Variants in NAV2 observed in about 807,000 individuals in gnomAD.
NAV2 encodes the protein helicase, APC down-regulated 1.
A neutral mutation model predicts 223.2 loss-of-function variants in NAV2; 54 were observed. The observed-to-expected ratio is 0.24, with a 90% CI of 0.19 to 0.30. The LOEUF (loss-of-function observed/expected upper bound fraction) is 0.30, where lower values mean the gene tolerates loss of function less well. NAV2 is among the 10% of genes least tolerant of loss of function. NAV2 has a pLI of 1.00. For synonymous variants in NAV2, 1,279 were observed against 1,239.3 expected (o/e 1.03, Z -0.67); for missense variants, 2,806 against 3,147.5 (o/e 0.89, Z 2.60).
intron 10 of NAV2, among the ~76,000 whole-genome samples, chr11:19,956,867 A>G (rs2047929649): frequency 6.6e-6 from 1 of 152,098 alleles, no homozygotes; most frequent in Non-Finnish European, 1.5e-5. Flanking sequence ...GCAGGAATGA[A>G]AGTTCCAATG....
intron 11 of NAV2, chr11:20,022,914 T>C (rs1816993669): frequency 7.3e-7 from 1 of 1,365,612 alleles, no homozygotes; most frequent in Admixed American, 2.9e-5. Flanking sequence ...TTAATTTTGT[T>C]GGGGGATCGG....
intron 1 of NAV2, among the ~76,000 whole-genome samples, chr11:19,705,172 GACAA>G (rs2049627142): frequency 6.6e-6 from 1 of 151,952 alleles, no homozygotes; most frequent in Non-Finnish European, 1.5e-5. Flanking sequence ...ATAACAAGCA[GACAA>G]ACAAACAAAA....
intron 1 of NAV2, among the ~76,000 whole-genome samples, chr11:19,443,492 C>T (rs1397411485): frequency 6.6e-6 from 1 of 152,238 alleles, no homozygotes; most frequent in Non-Finnish European, 1.5e-5. Flanking sequence ...GTCCCACATG[C>T]TGAGCAAGGA....
intron 1 of NAV2, among the ~76,000 whole-genome samples, chr11:19,516,381 C>A (rs1328445720): frequency 5.3e-5 from 8 of 152,222 alleles, no homozygotes; most frequent in Non-Finnish European, 1.0e-4. Context: ...CCCTTACTAA[C>A]AACACCGTGG....
At chr11:19,545,876 T>C (rs539693879) in intron 1 of NAV2, among the ~76,000 whole-genome samples, 1 of 152,334 alleles carries the variant, frequency 6.6e-6, no homozygotes, top group Non-Finnish European at 1.5e-5. Context: ...TGGACAACCC[T>C]GACCTAAGAA....
At position 20,045,083 on chromosome 11, in the gene NAV2, C is replaced by G; in HGVS notation, c.3315C>G (p.Pro1105=). The G allele has an allele frequency of 6.2e-7, 1 of 1,614,142 alleles. No individual in the cohort carries two copies. Among genetic ancestry groups the G allele is most frequent in the South Asian group, 1.1e-5 (1 of 91,078 alleles). ...GRSSGDESKK[P]LPSSSRTPTA... is the part of the protein sequence containing the mutation. ...GCAGTGGTGACGAATCCAAAAAGCCCCTCCCCAGCAGCTCTAGGACACCTA... is the reference window on the plus strand; with the variant it reads ...GCAGTGGTGACGAATCCAAAAAGCCGCTCCCCAGCAGCTCTAGGACACCTA... Residue 1105 remains proline, a synonymous_variant, in exon 14 of 38, where the codon CCC becomes CCG. Transcript: ENST00000349880.
intron 10 of NAV2, among the ~76,000 whole-genome samples, chr11:19,960,235 C>T (rs1047139166): frequency 4.6e-5 from 7 of 152,152 alleles, no homozygotes; most frequent in Non-Finnish European, 8.8e-5. Context: ...GGCCCATGAG[C>T]TCACACTTAG....
Position 19,984,157 on chromosome 11 carries a change from C to A in NAV2, c.2678C>A (p.Thr893Asn), listed in dbSNP as rs756161680. The change falls in exon 11 of 38, where the codon ACC becomes AAC. Residue 893 changes from threonine to asparagine, a missense_variant. Coordinates refer to ENST00000349880, the MANE Select transcript of NAV2 (RefSeq NM_145117.5). ...YMTDGGLGLY[T>N]RRLNRLPDGM... ...ACTGATGGTGGACTTGGCCTCTATA[C>A]CCGTCGCCTGAACCGGCTCCCTGAT... 2 of 1,614,170 alleles carry A rather than the reference C, an allele frequency of 1.2e-6. No individual in the cohort carries two copies. Among genetic ancestry groups the A allele is most frequent in the Non-Finnish European group, 1.7e-6 (2 of 1,180,032 alleles).
chr11:19,974,652 G>A (rs564626470), intron 10 of NAV2, among the ~76,000 whole-genome samples: 47 of 152,264 alleles, frequency 3.1e-4, no homozygotes, highest in African/African-American at 1.0e-3. Context: ...GGTGGCATGC[G>A]CCTGTAGTCC....
rs1160332405 is a variant in NAV2, at chr11:19,713,043, G to A, written c.-653G>A. Among the ~76,000 whole-genome samples, 5 of 152,150 alleles carry A rather than the reference G, an allele frequency of 3.3e-5. No individual in the cohort carries two copies. The highest frequency in any genetic ancestry group is 2.6e-4 in the Admixed American group (4 of 15,284). On this transcript the variant is annotated 5_prime_UTR_variant, in exon 1 of 38. Transcript: ENST00000349880. The surrounding 1 kb of genome is among the most constrained non-coding windows in gnomAD (Gnocchi z 7.2). ...TCAGTCCGGGGGCCTTCTGGGCAGC[G>A]GTGACTGTCACCCCAAGAGAGACCT... is the stretch of plus-strand genomic sequence containing the variant.
intron 11 of NAV2, among the ~76,000 whole-genome samples, chr11:20,007,287 C>T (rs1281104796): frequency 6.6e-6 from 1 of 152,174 alleles, no homozygotes; most frequent in Non-Finnish European, 1.5e-5. Flanking sequence ...GTAAGGACTC[C>T]ATAGGACTTT....
At chr11:19,988,968 C>A (rs1284606407) in intron 11 of NAV2, among the ~76,000 whole-genome samples, 1 of 152,174 alleles carries the variant, frequency 6.6e-6, no homozygotes, top group Non-Finnish European at 1.5e-5. Flanking sequence ...GCAATTGGCG[C>A]CCTTACCAGG....
At chr11:20,091,178 A>G (rs1371598963) in intron 27 of NAV2, among the ~76,000 whole-genome samples, 160 bp downstream of exon 27, 2 of 152,096 alleles carry the variant, frequency 1.3e-5, no homozygotes, top group Non-Finnish European at 2.9e-5. Context: ...TTGCTCAAAG[A>G]CCCAGTCTTT....
chr11:19,514,649 G>T (rs2043385659), intron 1 of NAV2, among the ~76,000 whole-genome samples: 1 of 152,192 alleles, frequency 6.6e-6, no homozygotes, highest in Non-Finnish European at 1.5e-5. Context: ...CCTCGGTGGG[G>T]CTCACAAAGG....
chr11:20,009,610 G>T (rs1338153572), intron 11 of NAV2, among the ~76,000 whole-genome samples: 1 of 152,120 alleles, frequency 6.6e-6, no homozygotes, highest in Non-Finnish European at 1.5e-5. Context: ...GCTACCCATG[G>T]CTTTTCCAAA....
chr11:20,105,809 GC>G, intron 35 of NAV2, 82 bp downstream of exon 35: 2 of 1,109,306 alleles, frequency 1.8e-6, no homozygotes, highest in Non-Finnish European at 2.7e-6. Context: ...ACAGCACTTT[GC>G]AGGCACAGTC....
At chr11:20,086,283 C>G (rs1485026207) in intron 26 of NAV2, among the ~76,000 whole-genome samples, 1 of 152,162 alleles carries the variant, frequency 6.6e-6, no homozygotes, top group African/African-American at 2.4e-5. Flanking sequence ...GGCTCTTAGC[C>G]ACTCTGGCCC....
intron 3 of NAV2, among the ~76,000 whole-genome samples, chr11:19,852,278 G>C (rs1162308475): frequency 6.6e-6 from 1 of 152,212 alleles, no homozygotes; most frequent in Non-Finnish European, 1.5e-5. Context: ...TAAGCTATTT[G>C]GGTTTTATAG....
At chr11:19,537,882 G>A (rs1032249194) in intron 1 of NAV2, among the ~76,000 whole-genome samples, 2 of 152,222 alleles carry the variant, frequency 1.3e-5, no homozygotes, top group Non-Finnish European at 2.9e-5. Context: ...CTGCCTCATA[G>A]GATATCATGA....
Sources: gnomAD v4.1 joint callset for allele counts (sites outside exome capture counted in the v4.1 genomes callset) on GRCh38, gnomAD v4.1.1 for gene constraint, Gnocchi (gnomAD v3.1) non-coding constraint, MANE v1.5 for transcripts, NCBI Gene and HGNC (gene_info 2026-07-23, HGNC 2026-07-21) for gene names.